CTNND2: variants seen among roughly 807,000 people sequenced by gnomAD.
CTNND2 encodes the protein catenin delta-2.
Under a neutral mutation model 144.4 loss-of-function variants are expected in CTNND2, and 22 were observed. The observed-to-expected ratio is 0.15, with a 90% confidence interval of 0.11 to 0.22. The LOEUF (loss-of-function observed/expected upper bound fraction) is 0.22. Ranked by LOEUF, CTNND2 falls within the 10% of genes least tolerant of loss-of-function variation. The pLI is 1.00. For missense variants in CTNND2, 1,353 were observed against 1,618.8 expected, an observed-to-expected ratio of 0.84 and a Z score of 2.82; for synonymous variants, 751 against 695.6, an observed-to-expected ratio of 1.08 and a Z score of -1.25.
chr5:11,690,570 A>T (rs1342321832), intron 2 of CTNND2, among the ~76,000 whole-genome samples: 1 of 151,728 alleles, frequency 6.6e-6, no homozygotes, highest in Admixed American at 6.6e-5. Context: ...CGTCTCTACT[A>T]AAAATACAAA....
chr5:11,023,614 A>G (rs1742522371), intron 16 of CTNND2, among the ~76,000 whole-genome samples: 1 of 152,214 alleles, frequency 6.6e-6, no homozygotes, highest in Non-Finnish European at 1.5e-5. Context: ...CCTCTGAACT[A>G]TAGTAACCTG....
intron 18 of CTNND2, among the ~76,000 whole-genome samples, chr5:11,017,603 CATAT>C (rs55835829): frequency 5.0e-5 from 5 of 99,938 alleles, no homozygotes; most frequent in Non-Finnish European, 9.3e-5. Context: ...TATATCTTTC[CATAT>C]ATATATATAT....
chr5:11,711,588 CTT>C (rs1048452722), intron 2 of CTNND2, among the ~76,000 whole-genome samples: 2 of 152,118 alleles, frequency 1.3e-5, no homozygotes, highest in African/African-American at 4.8e-5. Context: ...GTTTTAAGCT[CTT>C]TAGCTATATT....
chr5:11,009,883 T>TATA (rs34220570), intron 18 of CTNND2, among the ~76,000 whole-genome samples: 3 of 151,858 alleles, frequency 2.0e-5, no homozygotes, highest in Non-Finnish European at 2.9e-5. Context: ...ACAGATATCA[T>TATA]ATGAGTGTCT....
At chr5:11,828,472 G>A (rs1487952683) in intron 1 of CTNND2, among the ~76,000 whole-genome samples, 1 of 152,178 alleles carries the variant, frequency 6.6e-6, no homozygotes, top group East Asian at 1.9e-4. Context: ...AGAGGTGACA[G>A]TGAGCCAAGA....
At chr5:11,517,643 G>A (rs1772296447) in intron 3 of CTNND2, among the ~76,000 whole-genome samples, 1 of 151,662 alleles carries the variant, frequency 6.6e-6, no homozygotes, top group Non-Finnish European at 1.5e-5. Context: ...GCAAGGGGAG[G>A]GAGAGCATTA....
chr5:11,309,472 T>G (rs1580862188), intron 9 of CTNND2, among the ~76,000 whole-genome samples: 1 of 152,320 alleles, frequency 6.6e-6, no homozygotes, highest in East Asian at 1.9e-4. Flanking sequence ...GTAGCCCTTT[T>G]GTTTAGACTG....
At chr5:11,663,539 CA>C (rs1463807730) in intron 2 of CTNND2, among the ~76,000 whole-genome samples, 1 of 152,164 alleles carries the variant, frequency 6.6e-6, no homozygotes, top group Non-Finnish European at 1.5e-5. Flanking sequence ...AATTAAACTA[CA>C]TATGTGTGTA....
chr5:11,242,661 G>A (rs1161686679), intron 9 of CTNND2, among the ~76,000 whole-genome samples: 9 of 152,276 alleles, frequency 5.9e-5, no homozygotes, highest in Admixed American at 5.2e-4. Flanking sequence ...AGCCCGAGTT[G>A]AGAAGCTCTG....
At chr5:11,676,160 T>A (rs1784164479) in intron 2 of CTNND2, among the ~76,000 whole-genome samples, 1 of 152,108 alleles carries the variant, frequency 6.6e-6, no homozygotes, top group Non-Finnish European at 1.5e-5. Context: ...GCTTAGATAC[T>A]GTTTTCCTAA....
At chr5:11,674,546 A>C (rs1488291816) in intron 2 of CTNND2, among the ~76,000 whole-genome samples, 5 of 152,236 alleles carry the variant, frequency 3.3e-5, no homozygotes, top group African/African-American at 9.6e-5. Flanking sequence ...TTCATAGTTT[A>C]CCTTAGGGTT....
chr5:11,488,850 A>G (rs893769816), intron 3 of CTNND2, among the ~76,000 whole-genome samples: 10 of 152,204 alleles, frequency 6.6e-5, no homozygotes, highest in African/African-American at 1.9e-4. Flanking sequence ...GTCACCCAGC[A>G]TAATGTCTGT....
chr5:11,640,851 A>G (rs1233780314), intron 2 of CTNND2, among the ~76,000 whole-genome samples: 4 of 152,216 alleles, frequency 2.6e-5, no homozygotes, highest in Non-Finnish European at 4.4e-5. Context: ...TATCTTGGAC[A>G]GAGCTTCTGA....
chr5:11,770,181 A>G (rs979402072), intron 1 of CTNND2, among the ~76,000 whole-genome samples: 1 of 152,174 alleles, frequency 6.6e-6, no homozygotes, highest in Non-Finnish European at 1.5e-5. Context: ...CCTCACGGGC[A>G]TCACAGACAT....
chr5:11,413,903 C>T (rs552750138), intron 3 of CTNND2, among the ~76,000 whole-genome samples: 11 of 152,124 alleles, frequency 7.2e-5, no homozygotes, highest in Non-Finnish European at 1.0e-4. Flanking sequence ...GTGGGTTGAA[C>T]GGAGGGCCTT....
chr5:11,521,547 A>C (rs559990411), intron 3 of CTNND2, among the ~76,000 whole-genome samples: 111 of 152,342 alleles, frequency 7.3e-4, no homozygotes, highest in African/African-American at 2.6e-3. Flanking sequence ...CCATCATTAA[A>C]CATATATACA....
At chr5:11,294,513 A>C (rs1748692999) in intron 9 of CTNND2, among the ~76,000 whole-genome samples, 1 of 152,198 alleles carries the variant, frequency 6.6e-6, no homozygotes, top group South Asian at 2.1e-4. Flanking sequence ...AATATGATAA[A>C]GTTCAAGCTT....
chr5:11,353,492 T>A (rs1211813509), intron 8 of CTNND2, among the ~76,000 whole-genome samples: 1 of 152,214 alleles, frequency 6.6e-6, no homozygotes, highest in Non-Finnish European at 1.5e-5. Flanking sequence ...CCCTATTACC[T>A]AGATAATTGG....
chr5:11,041,411 T>C (rs897726733), intron 16 of CTNND2, among the ~76,000 whole-genome samples: 5 of 152,178 alleles, frequency 3.3e-5, no homozygotes, highest in African/African-American at 1.2e-4. Context: ...ATGGGAAAGG[T>C]CACAGAGCTG....
Sources: gnomAD v4.1 joint callset for allele counts (sites outside exome capture counted in the v4.1 genomes callset) on GRCh38, gnomAD v4.1.1 for gene constraint, MANE v1.5 for transcripts, NCBI Gene and HGNC (gene_info 2026-07-23, HGNC 2026-07-21) for gene names.